PLEKHA6: variants seen among roughly 807,000 people sequenced by gnomAD.
The protein encoded by PLEKHA6 is pleckstrin homology domain containing A6.
Under a neutral mutation model 116.7 loss-of-function variants are expected in PLEKHA6, and 60 were observed. The observed-to-expected ratio is 0.51, with a 90% CI of 0.42 to 0.64. The LOEUF (loss-of-function observed/expected upper bound fraction) is 0.64, where lower values mean the gene tolerates loss of function less well. Among genes scored for constraint, PLEKHA6 ranks in the 30% least tolerant of loss-of-function variants. The pLI is 0.00. For synonymous variants in PLEKHA6, 489 were observed against 556.1 expected, an observed-to-expected ratio of 0.88 and a Z score of 1.70; for missense variants, 1,338 against 1,422.7, an observed-to-expected ratio of 0.94 and a Z score of 0.96.
intron 1 of PLEKHA6, among the ~76,000 whole-genome samples, chr1:204,332,353 G>A (rs1215186480): frequency 6.6e-6 from 1 of 152,076 alleles, no homozygotes; most frequent in Non-Finnish European, 1.5e-5. Context: ...GCCAAGCCAG[G>A]CAGGCAGGCA....
chr1:204,331,832 C>T (rs1489016678), intron 1 of PLEKHA6, among the ~76,000 whole-genome samples: 5 of 151,754 alleles, frequency 3.3e-5, no homozygotes, highest in Non-Finnish European at 7.4e-5. Context: ...CCCCCGGGTC[C>T]CAAAGCCCCA....
At chr1:204,369,082 G>A (rs1475627960) in intron 2 of PLEKHA6, 2 of 152,200 alleles carry the variant, frequency 1.3e-5, no homozygotes, top group Non-Finnish European at 2.9e-5. Context: ...TGATGCTGCT[G>A]TTTCAGCAAA....
At chr1:204,364,608 C>T (rs1274791993), upstream of PLEKHA6, among the ~76,000 whole-genome samples, 5 of 152,160 alleles carry the variant, frequency 3.3e-5, no homozygotes, top group African/African-American at 1.2e-4. Flanking sequence ...GAATGACCAC[C>T]AGGTCTGGAA....
intron 3 of PLEKHA6, 143 bp downstream of exon 3, chr1:204,273,483 C>T (rs1572012439): frequency 1.5e-6 from 1 of 645,262 alleles, no homozygotes; most frequent in East Asian, 2.7e-5. Flanking sequence ...ACTCTCCACT[C>T]TCTTCCTGGG....
chr1:204,352,243 G>A (rs542140678), intron 1 of PLEKHA6, among the ~76,000 whole-genome samples: 2 of 150,294 alleles, frequency 1.3e-5, no homozygotes, highest in African/African-American at 4.9e-5. Flanking sequence ...GCATGGTGGC[G>A]CATGCCTTGT....
chr1:204,240,033 C>T (rs997114252), intron 17 of PLEKHA6, among the ~76,000 whole-genome samples: 3 of 152,174 alleles, frequency 2.0e-5, no homozygotes, highest in Admixed American at 6.5e-5. Context: ...CACCTGGACA[C>T]TTTAGATTCC....
chr1:204,343,026 C>A (rs929121853), intron 1 of PLEKHA6, among the ~76,000 whole-genome samples: 1 of 152,168 alleles, frequency 6.6e-6, no homozygotes, highest in Non-Finnish European at 1.5e-5. Flanking sequence ...AGGCTTTGGG[C>A]TCCCCTTGAC....
intron 1 of PLEKHA6, chr1:204,280,590 G>T: frequency 3.0e-6 from 1 of 334,366 alleles, no homozygotes; most frequent in Non-Finnish European, 4.3e-6. Context: ...GTGGAGAGAG[G>T]TTTGCATGCA....
chr1:204,360,447 G>A (rs1673534646), upstream of PLEKHA6, among the ~76,000 whole-genome samples: 1 of 150,044 alleles, frequency 6.7e-6, no homozygotes, highest in Non-Finnish European at 1.5e-5. Context: ...GCCACTATGA[G>A]ATGCCAGGAT....
chr1:204,313,531 T>C (rs1671742313), intron 1 of PLEKHA6: 1 of 979,416 alleles, frequency 1.0e-6, no homozygotes, highest in South Asian at 4.7e-5. Flanking sequence ...AAGATGTTAC[T>C]ATTGAAGAAA....
intron 1 of PLEKHA6, among the ~76,000 whole-genome samples, chr1:204,355,991 ACACACACAC>A (rs560001995): frequency 2.0e-3 from 142 of 72,668 alleles, no homozygotes; most frequent in African/African-American, 6.5e-3. Flanking sequence ...ACACACACAC[ACACACACAC>A]AAAAAAAATC....
rs889717400 is a variant in PLEKHA6, at chr1:204,241,817, G to T, written c.2173-3C>A. 6.2e-7 allele frequency: 1 copy of T among 1,613,964 alleles called. No homozygotes were observed. The stretch of plus-strand genomic sequence containing the variant: ...CTTTGTTCATAGTTTGCCTTGGGCT[G>T]GGGAGAAAGGGTGAGAAGATGGTTG... On this transcript the variant is annotated splice_polypyrimidine_tract_variant and splice_region_variant and intron_variant, in intron 15 of 22. Coordinates refer to ENST00000272203, the MANE Select transcript of PLEKHA6 (RefSeq NM_014935.5).
At chr1:204,311,144 T>G (rs905647273) in intron 1 of PLEKHA6, among the ~76,000 whole-genome samples, 2 of 152,222 alleles carry the variant, frequency 1.3e-5, no homozygotes, top group African/African-American at 4.8e-5. Flanking sequence ...CTTGAACTCC[T>G]GCAGAGACAG....
At position 204,220,780 on chromosome 1, in the gene PLEKHA6, G is replaced by T. The variant is rs1416169527; in HGVS notation, c.*2008C>A. 6.6e-6 allele frequency: 1 copy of T among 152,286 alleles called. No individual in the cohort carries two copies. Among genetic ancestry groups the T allele is most frequent in the African/African-American group, 2.4e-5 (1 of 41,304 alleles). The allele number at this position is 152,286 out of a possible 1,614,324, so 9.4% of individuals were successfully genotyped here. On this transcript the variant is annotated 3_prime_UTR_variant, in exon 23 of 23. Transcript: ENST00000272203. ...TAATCTCCATAAAACATATATTAAG[G>T]CATGTAAAGCAACATAAAGAGCCAG...
At chr1:204,243,259 G>C (rs560788693) in intron 15 of PLEKHA6, 22 of 399,650 alleles carry the variant, frequency 5.5e-5, no homozygotes, top group Non-Finnish European at 9.3e-5. Flanking sequence ...AGGCGGGCCA[G>C]GTTCCTGAGG....
chr1:204,327,205 C>T (rs1170543822), intron 1 of PLEKHA6, among the ~76,000 whole-genome samples: 1 of 152,236 alleles, frequency 6.6e-6, no homozygotes, highest in African/African-American at 2.4e-5. Flanking sequence ...ATTTTGTTCA[C>T]TTTGCACCAT....
chr1:204,234,986 ATATATATATATATATATATATATATATC>A (rs1661788900), intron 17 of PLEKHA6, among the ~76,000 whole-genome samples: 5 of 17,786 alleles, frequency 2.8e-4, no homozygotes, highest in African/African-American at 4.2e-4. Context: ...ATATATATAT[ATATATATATATATATATATATATATATC>A]TAATAGCAGA....
chr1:204,359,533 T>C (rs960338868), intron 1 of PLEKHA6, 161 bp downstream of exon 1: 2 of 839,250 alleles, frequency 2.4e-6, no homozygotes, highest in Non-Finnish European at 2.9e-6. Flanking sequence ...TCAGCATCCA[T>C]GATCCCCAAG....
intron 1 of PLEKHA6, among the ~76,000 whole-genome samples, chr1:204,319,226 G>C (rs1671970157): frequency 6.6e-6 from 1 of 152,130 alleles, no homozygotes; most frequent in Non-Finnish European, 1.5e-5. Context: ...CTGTGCTATG[G>C]AACATTTCAT....
Sources: gnomAD v4.1 joint callset for allele counts (sites outside exome capture counted in the v4.1 genomes callset) on GRCh38, gnomAD v4.1.1 for gene constraint, MANE v1.5 for transcripts, NCBI Gene and HGNC (gene_info 2026-07-23, HGNC 2026-07-21) for gene names.